The following CUX2 variants were observed in gnomAD, a reference collection of about 807,000 sequenced individuals.
The protein encoded by CUX2 is homeobox protein cut-like 2.
Under a neutral mutation model 144.8 loss-of-function variants are expected in CUX2, and 40 were observed. That is an observed-to-expected ratio of 0.28 (90% CI 0.21 to 0.36). The LOEUF is 0.36. CUX2 is among the 10% of genes least tolerant of loss of function. The pLI is 1.00. For synonymous variants in CUX2, 827 were observed against 875.6 expected (o/e 0.94, Z 0.98); for missense variants, 1,615 against 1,994.0 (o/e 0.81, Z 3.62).
chr12:111,259,035 G>C (rs930186450), intron 3 of CUX2, among the ~76,000 whole-genome samples: 1 of 116,070 alleles, frequency 8.6e-6, no homozygotes, highest in Non-Finnish European at 1.5e-5. Context: ...ACCCAGCTGT[G>C]TGTGTGTGTG....
intron 4 of CUX2, among the ~76,000 whole-genome samples, chr12:111,268,738 G>A (rs949048560): frequency 6.6e-6 from 1 of 152,236 alleles, no homozygotes; most frequent in Non-Finnish European, 1.5e-5. Context: ...ATTCCTTGCC[G>A]CCTTTTTGCT....
At chr12:111,041,863 AC>A (rs1364993044) in intron 1 of CUX2, among the ~76,000 whole-genome samples, 1 of 152,180 alleles carries the variant, frequency 6.6e-6, no homozygotes, top group Non-Finnish European at 1.5e-5. Context: ...CATTTCCAGA[AC>A]AAATGAAAGG....
At chr12:111,240,610 G>C (rs182640336) in intron 3 of CUX2, among the ~76,000 whole-genome samples, 1 of 152,204 alleles carries the variant, frequency 6.6e-6, no homozygotes, top group East Asian at 1.9e-4. Flanking sequence ...TCTTAGGGGA[G>C]GAAAGAAGAT....
chr12:111,347,958 A>T lies in CUX2; in HGVS notation c.4094A>T (p.Gln1365Leu). ...GACTGTCCCTCACTTCATCCCCAACAGGAGAGTGAGGCCGGGGAGCGACTT... is the reference window on the plus strand; with the variant it reads ...GACTGTCCCTCACTTCATCCCCAACTGGAGAGTGAGGCCGGGGAGCGACTT... Reference protein sequence around the residue: ...TPDCPSLHPQQESEAGERLHP... With the variant: ...TPDCPSLHPQLESEAGERLHP... Residue 1365 changes from glutamine (Q) to leucine (L), a missense_variant, in exon 22 of 22, where the codon CAG becomes CTG. Physicochemically the swap from Gln to Leu is moderately radical, Grantham distance 113. This residue lies in a region of CUX2 where 298 missense variants were observed against 330.4 expected (regional missense o/e 0.90). Coordinates refer to ENST00000261726, the MANE Select transcript of CUX2 (RefSeq NM_015267.4). 1 of 1,614,070 alleles carries T rather than the reference A, an allele frequency of 6.2e-7. No individual in the cohort carries two copies. The highest frequency in any genetic ancestry group is 8.5e-7 in the Non-Finnish European group (1 of 1,180,002).
In CUX2 at chr12:111,120,671, GAA is replaced by G. The variant is rs112911297; in HGVS notation, c.63+86444_63+86445del. 8.4e-3 allele frequency among the ~76,000 whole-genome samples: 1,048 copies of G among 124,354 alleles called. 10 individuals are homozygous for G. Among genetic ancestry groups the G allele is most frequent in the African/African-American group, 0.028 (1,001 of 35,174 alleles). 81.6% of individuals were successfully genotyped at this position (124,354 alleles called of 152,430 possible). On this transcript the variant is annotated intron_variant, in intron 1 of 21. Transcript: ENST00000261726. ...GAATAAGGAAGGGAGTAACCACAAGGAAAAAAAAAAAAAAGGCAACAAAAACC... is the reference window on the plus strand; with the variant it reads ...GAATAAGGAAGGGAGTAACCACAAGGAAAAAAAAAAAAGGCAACAAAAACC...
intron 1 of CUX2, among the ~76,000 whole-genome samples, chr12:111,070,393 T>TTCC (rs1871207745): frequency 1.0e-5 from 1 of 99,374 alleles, no homozygotes; most frequent in Admixed American, 1.1e-4. Context: ...TCCTTCCTTC[T>TTCC]TTCCTTCCTT....
chr12:111,187,940 C>G (rs536036469), intron 1 of CUX2, among the ~76,000 whole-genome samples: 1 of 152,254 alleles, frequency 6.6e-6, no homozygotes, highest in Non-Finnish European at 1.5e-5. Flanking sequence ...CCAGAGCCAT[C>G]GATCACAGGC....
chr12:111,241,064 C>G (rs986670005), intron 3 of CUX2, among the ~76,000 whole-genome samples: 7 of 152,026 alleles, frequency 4.6e-5, no homozygotes, highest in Non-Finnish European at 1.0e-4. Flanking sequence ...CTTGGCTCAC[C>G]GTTCTGATGG....
At chr12:111,154,805 A>G (rs1340167260) in intron 1 of CUX2, among the ~76,000 whole-genome samples, 26 of 152,196 alleles carry the variant, frequency 1.7e-4, no homozygotes, top group Admixed American at 1.7e-3. Flanking sequence ...AAAAGTCTCC[A>G]TGAAAAAGCA....
chr12:111,101,580 C>G (rs1005684143), intron 1 of CUX2, among the ~76,000 whole-genome samples: 1 of 152,206 alleles, frequency 6.6e-6, no homozygotes, highest in African/African-American at 2.4e-5. Context: ...TCACATCTTA[C>G]AAAACAGAAA....
chr12:111,090,940 T>C (rs574709238), intron 1 of CUX2, among the ~76,000 whole-genome samples: 1 of 152,118 alleles, frequency 6.6e-6, no homozygotes, highest in Non-Finnish European at 1.5e-5. Context: ...CAAGCCAGCA[T>C]TGATGGAGCA....
chr12:111,311,941 CCA>C (rs1200568970), intron 15 of CUX2, among the ~76,000 whole-genome samples, 157 bp from the exon 16 acceptor site: 1 of 152,094 alleles, frequency 6.6e-6, no homozygotes, highest in Non-Finnish European at 1.5e-5. Flanking sequence ...ACTCACAGGC[CCA>C]CAGTTTGTTA....
intron 4 of CUX2, among the ~76,000 whole-genome samples, chr12:111,276,942 C>T (rs1280313329): frequency 1.3e-5 from 2 of 152,214 alleles, no homozygotes; most frequent in Admixed American, 6.5e-5. Context: ...CCACCGCACC[C>T]GGCCAGTTGT....
chr12:111,232,465 G>A (rs1882525081), intron 3 of CUX2, among the ~76,000 whole-genome samples: 1 of 152,100 alleles, frequency 6.6e-6, no homozygotes, highest in Non-Finnish European at 1.5e-5. Flanking sequence ...GACAACCACT[G>A]TACTCCAGTC....
At chr12:111,241,290 C>A (rs1021259071) in intron 3 of CUX2, among the ~76,000 whole-genome samples, 1 of 152,168 alleles carries the variant, frequency 6.6e-6, no homozygotes, top group Non-Finnish European at 1.5e-5. Flanking sequence ...TCCACCCCCA[C>A]GGCCCAAACA....
At chr12:111,112,319 G>A (rs1004513400) in intron 1 of CUX2, among the ~76,000 whole-genome samples, 1 of 152,148 alleles carries the variant, frequency 6.6e-6, no homozygotes, top group Non-Finnish European at 1.5e-5. Flanking sequence ...GCCTCATATT[G>A]CAAAGAAGCC....
At chr12:111,198,254 T>G (rs1880362236) in intron 1 of CUX2, among the ~76,000 whole-genome samples, 1 of 152,080 alleles carries the variant, frequency 6.6e-6, no homozygotes, top group South Asian at 2.1e-4. Context: ...GGTGGATAGA[T>G]CACTTGAGTT....
chr12:111,284,793 G>A (rs770435112), intron 4 of CUX2, among the ~76,000 whole-genome samples: 11 of 152,176 alleles, frequency 7.2e-5, no homozygotes, highest in Non-Finnish European at 1.6e-4. Context: ...CGTGCAGCTC[G>A]GAAGGGCCTC....
chr12:111,184,931 G>A (rs1207312941), intron 1 of CUX2, among the ~76,000 whole-genome samples: 5 of 151,528 alleles, frequency 3.3e-5, no homozygotes, highest in Non-Finnish European at 7.4e-5. Flanking sequence ...GCATGGTGGC[G>A]GGCACCTGTA....
Sources: gnomAD v4.1 joint callset for allele counts (sites outside exome capture counted in the v4.1 genomes callset) on GRCh38, gnomAD v4.1.1 for gene constraint, gnomAD v4.1.1 regional missense constraint, MANE v1.5 for transcripts, NCBI Gene and HGNC (gene_info 2026-07-23, HGNC 2026-07-21) for gene names.